The following CRACD variants were observed in gnomAD, a reference collection of about 807,000 sequenced individuals.
The protein encoded by CRACD is capping protein-inhibiting regulator of actin dynamics.
CRACD carries 56 observed loss-of-function variants against 106.8 expected under a neutral mutation model. The observed-to-expected ratio is 0.52, with a 90% CI of 0.42 to 0.66. The LOEUF (loss-of-function observed/expected upper bound fraction) is 0.66. Among genes scored for constraint, CRACD ranks in the 30% least tolerant of loss-of-function variants. The probability of loss-of-function intolerance (pLI) is 0.00; values close to 1 mark genes in which losing one functional copy is unlikely to be tolerated. For missense variants in CRACD, 1,730 were observed against 1,623.2 expected, an observed-to-expected ratio of 1.07 and a Z score of -1.13; for synonymous variants, 754 against 670.8, an observed-to-expected ratio of 1.12 and a Z score of -1.92.
At chr4:56,292,337 T>C (rs1003917002) in intron 3 of CRACD, among the ~76,000 whole-genome samples, 8 of 152,170 alleles carry the variant, frequency 5.3e-5, no homozygotes, top group Non-Finnish European at 4.4e-5. Flanking sequence ...AGGCTCTCAG[T>C]TGAGGCTCTG....
chr4:56,265,403 GGTGTGTGTGTGTGTGTGT>G (rs111811548), intron 2 of CRACD, among the ~76,000 whole-genome samples: 8 of 77,444 alleles, frequency 1.0e-4, no homozygotes, highest in Non-Finnish European at 2.1e-4. Flanking sequence ...ATAGAGGAGG[GGTGTGTGTGTGTGTGTGT>G]GTGTGTGTGT....
intron 2 of CRACD, among the ~76,000 whole-genome samples, chr4:56,209,045 A>C (rs1738272916): frequency 6.6e-6 from 1 of 152,166 alleles, no homozygotes; most frequent in Non-Finnish European, 1.5e-5. Context: ...CACTATTAAC[A>C]CTATAAGAAA....
At chr4:56,290,701 A>C (rs183230019) in intron 3 of CRACD, among the ~76,000 whole-genome samples, 12 of 152,316 alleles carry the variant, frequency 7.9e-5, no homozygotes, top group African/African-American at 2.9e-4. Context: ...TCAGGACAGA[A>C]ATGTAGAAAT....
intron 4 of CRACD, among the ~76,000 whole-genome samples, chr4:56,303,125 A>C (rs1744465376): frequency 6.6e-6 from 1 of 152,178 alleles, no homozygotes. Flanking sequence ...TGGGTGGATC[A>C]CTTGAGGCCA....
intron 2 of CRACD, among the ~76,000 whole-genome samples, chr4:56,210,538 T>C (rs952370356): frequency 6.6e-6 from 1 of 152,218 alleles, no homozygotes; most frequent in Admixed American, 6.5e-5. Flanking sequence ...AGTTTGCAGC[T>C]TTAAAGAGAG....
At chr4:56,182,472 C>T (rs939835643) in intron 2 of CRACD, among the ~76,000 whole-genome samples, 1 of 151,780 alleles carries the variant, frequency 6.6e-6, no homozygotes, top group African/African-American at 2.4e-5. Flanking sequence ...CAGGCATGTC[C>T]TAGCTATCTG....
intron 1 of CRACD, among the ~76,000 whole-genome samples, chr4:56,166,746 A>C (rs781608083): frequency 2.6e-5 from 4 of 152,104 alleles, no homozygotes; most frequent in Non-Finnish European, 5.9e-5. Flanking sequence ...AGCAAGGACA[A>C]TTTAGTAGCA....
chr4:56,273,529 A>T (rs1001874300), intron 3 of CRACD, among the ~76,000 whole-genome samples: 1 of 151,800 alleles, frequency 6.6e-6, no homozygotes, highest in Non-Finnish European at 1.5e-5. Context: ...GTACTTTCTT[A>T]CCTGAGTGCT....
intron 2 of CRACD, among the ~76,000 whole-genome samples, chr4:56,230,015 G>A (rs1319539004): frequency 6.6e-6 from 1 of 152,154 alleles, no homozygotes; most frequent in African/African-American, 2.4e-5. Flanking sequence ...GTTTGCCCCT[G>A]CACTATGGAT....
intron 1 of CRACD, among the ~76,000 whole-genome samples, chr4:56,151,935 C>T (rs140202487): frequency 1.0e-3 from 156 of 152,046 alleles, no homozygotes; most frequent in African/African-American, 3.5e-3. Flanking sequence ...TGAGTCATCC[C>T]GTCACTGATG....
intron 2 of CRACD, among the ~76,000 whole-genome samples, chr4:56,196,666 A>G (rs945166575): frequency 1.3e-5 from 2 of 152,156 alleles, no homozygotes; most frequent in Non-Finnish European, 2.9e-5. Context: ...CTCAACATCT[A>G]GTGACTCTGT....
intron 5 of CRACD, chr4:56,308,666 G>A (rs548610350): frequency 9.8e-6 from 7 of 712,800 alleles, no homozygotes; most frequent in Admixed American, 6.3e-5. Flanking sequence ...TGTGAAAAAG[G>A]ACATTCCTCC....
intron 2 of CRACD, among the ~76,000 whole-genome samples, chr4:56,189,229 C>G (rs1737247953): frequency 6.6e-6 from 1 of 151,646 alleles, no homozygotes; most frequent in African/African-American, 2.4e-5. Context: ...AGCTGTGATT[C>G]AGTGACTTCA....
At chr4:56,325,151 A>G (rs1241416229) in intron 10 of CRACD, among the ~76,000 whole-genome samples, 1 of 152,140 alleles carries the variant, frequency 6.6e-6, no homozygotes, top group African/African-American at 2.4e-5. Context: ...CCTGGGCAAC[A>G]TGGCGAAACC....
At chr4:56,260,804 A>C (rs1033810497) in intron 2 of CRACD, among the ~76,000 whole-genome samples, 1 of 152,166 alleles carries the variant, frequency 6.6e-6, no homozygotes, top group East Asian at 1.9e-4. Context: ...AGACTTGCCT[A>C]GCCTGGCCTT....
intron 2 of CRACD, among the ~76,000 whole-genome samples, chr4:56,218,735 A>G (rs556159061): frequency 1.6e-4 from 24 of 151,816 alleles, no homozygotes; most frequent in African/African-American, 5.8e-4. Context: ...AGCCCCACAA[A>G]GTGTTAGGAT....
intron 1 of CRACD, among the ~76,000 whole-genome samples, chr4:56,050,273 AGTGTGTGTGTGTGTGTGTGTGT>A (rs3036783): frequency 5.9e-5 from 8 of 134,476 alleles, no homozygotes; most frequent in Non-Finnish European, 7.9e-5. Context: ...TAGGTGAGGG[AGTGTGTGTGTGTGTGTGTGTGT>A]GTGTGTGTGT....
chr4:56,114,058 G>A (rs559839250), intron 1 of CRACD, among the ~76,000 whole-genome samples: 2 of 151,998 alleles, frequency 1.3e-5, no homozygotes, highest in African/African-American at 4.8e-5. Flanking sequence ...AAACTTAACA[G>A]TGACTTGAAC....
intron 1 of CRACD, among the ~76,000 whole-genome samples, chr4:56,108,367 A>C (rs1734014082): frequency 1.3e-5 from 2 of 152,242 alleles, no homozygotes; most frequent in South Asian, 4.1e-4. Flanking sequence ...CAGTCTGTGC[A>C]TGAGAAAACA....
Sources: gnomAD v4.1 joint callset for allele counts (sites outside exome capture counted in the v4.1 genomes callset) on GRCh38, gnomAD v4.1.1 for gene constraint, MANE v1.5 for transcripts, NCBI Gene and HGNC (gene_info 2026-07-23, HGNC 2026-07-21) for gene names.